The following ARMC8 variants were observed in gnomAD, a reference collection of about 807,000 sequenced individuals.
ARMC8 encodes the protein armadillo repeat containing 8, also known as armadillo repeat-containing protein 8.
A neutral mutation model predicts 99.3 loss-of-function variants in ARMC8; 20 were observed. That is an observed-to-expected ratio of 0.20 (90% confidence interval 0.14 to 0.29). ARMC8 has a LOEUF of 0.29. ARMC8 is among the 10% of genes least tolerant of loss of function. The pLI is 1.00. For missense variants in ARMC8, 569 were observed against 809.5 expected (o/e 0.70, Z 3.60); for synonymous variants, 263 against 278.3 (o/e 0.95, Z 0.55).
chr3:138,259,914 G>GT (rs1425640988), intron 12 of ARMC8, among the ~76,000 whole-genome samples: 1 of 152,144 alleles, frequency 6.6e-6, no homozygotes, highest in Non-Finnish European at 1.5e-5. Flanking sequence ...CCTTCCCTTT[G>GT]TAGATACTTG....
intron 12 of ARMC8, among the ~76,000 whole-genome samples, chr3:138,248,525 C>T (rs941965071): frequency 1.3e-5 from 2 of 152,142 alleles, no homozygotes; most frequent in Non-Finnish European, 2.9e-5. Context: ...AGTTAAGATA[C>T]GAAGCAAAAT....
intron 16 of ARMC8, 89 bp from the exon 17 acceptor site, chr3:138,272,871 CAAAAAAA>C: frequency 8.6e-7 from 1 of 1,169,102 alleles, no homozygotes; most frequent in African/African-American, 1.6e-5. Context: ...GACTCTGTCT[CAAAAAAA>C]TAAAAAAAAA....
chr3:138,236,820 C>A (rs1342965671), intron 7 of ARMC8, among the ~76,000 whole-genome samples: 4 of 151,864 alleles, frequency 2.6e-5, no homozygotes, highest in African/African-American at 7.3e-5. Flanking sequence ...TTGGTATTAT[C>A]CCAAACCAGT....
At chr3:138,215,679 T>C (rs1385340222) in intron 2 of ARMC8, among the ~76,000 whole-genome samples, 1 of 152,148 alleles carries the variant, frequency 6.6e-6, no homozygotes, top group Non-Finnish European at 1.5e-5. Flanking sequence ...TTAGAGAGTG[T>C]AAGGTGATTT....
At chr3:138,287,313 T>C (rs572952066) in intron 19 of ARMC8, among the ~76,000 whole-genome samples, 40 of 152,260 alleles carry the variant, frequency 2.6e-4, no homozygotes, top group African/African-American at 9.1e-4. Context: ...TCAGGAACTT[T>C]TTCTCCTGCT....
intron 1 of ARMC8, among the ~76,000 whole-genome samples, chr3:138,202,868 G>A (rs2044157851): frequency 6.6e-6 from 1 of 152,038 alleles, no homozygotes; most frequent in Non-Finnish European, 1.5e-5. Flanking sequence ...TAAACTAATG[G>A]TTTTACCCTA....
chr3:138,261,496 C>T (rs997598090), intron 12 of ARMC8: 1 of 152,054 alleles, frequency 6.6e-6, no homozygotes, highest in Non-Finnish European at 1.5e-5. Flanking sequence ...AAGTATGGAG[C>T]TAGAGGTCAG....
chr3:138,273,263 A>C (rs2048952651), intron 17 of ARMC8, 147 bp downstream of exon 17: 1 of 868,054 alleles, frequency 1.2e-6, no homozygotes, highest in Admixed American at 2.9e-5. Context: ...GTTGATGTCT[A>C]AACCTGTCAC....
intron 1 of ARMC8, among the ~76,000 whole-genome samples, chr3:138,198,056 G>A (rs1446654581): frequency 6.6e-6 from 1 of 152,162 alleles, no homozygotes; most frequent in East Asian, 1.9e-4. Context: ...AGAGCCAGAT[G>A]TGGTGCCGTA....
intron 2 of ARMC8, among the ~76,000 whole-genome samples, chr3:138,220,422 T>TG (rs1436799737): frequency 6.6e-6 from 1 of 152,104 alleles, no homozygotes; most frequent in African/African-American, 2.4e-5. Context: ...AGGTCAGGCC[T>TG]GGAAAAAAAG....
intron 3 of ARMC8, among the ~76,000 whole-genome samples, chr3:138,222,842 T>C (rs1262540546): frequency 6.6e-6 from 1 of 152,138 alleles, no homozygotes; most frequent in Admixed American, 6.5e-5. Context: ...TTGGGGAGTA[T>C]TTGTTTGGCA....
chr3:138,278,469 A>G (rs1263866654), intron 18 of ARMC8, among the ~76,000 whole-genome samples: 1 of 151,774 alleles, frequency 6.6e-6, no homozygotes, highest in Non-Finnish European at 1.5e-5. Context: ...ACACCACTGC[A>G]CTCCAGCCTG....
chr3:138,284,653 C>G, intron 19 of ARMC8, 127 bp downstream of exon 19: 1 of 682,396 alleles, frequency 1.5e-6, no homozygotes, highest in Non-Finnish European at 2.5e-6. Context: ...TCCTCAGATT[C>G]AAAGAACTCT....
In ARMC8 at chr3:138,295,932, T is replaced by C. The variant is rs767557980; in HGVS notation, c.*40T>C. On this transcript the variant is annotated 3_prime_UTR_variant, in exon 22 of 22. Coordinates refer to ENST00000469044, the MANE Select transcript of ARMC8 (RefSeq NM_001363941.2). ...GGCACCTGCGAGCATCCCACCTCCTTGTTTAAGGAAGTACAGGAACCAGCC... is the reference window on the plus strand; with the variant it reads ...GGCACCTGCGAGCATCCCACCTCCTCGTTTAAGGAAGTACAGGAACCAGCC... 9.5e-5 allele frequency: 153 copies of C among 1,608,206 alleles called. No homozygotes were observed. The East Asian group carries it at 3.4e-3, about 36-fold the overall frequency.
intron 19 of ARMC8, among the ~76,000 whole-genome samples, chr3:138,287,370 T>G (rs1214132642): frequency 6.6e-6 from 1 of 152,148 alleles, no homozygotes; most frequent in Admixed American, 6.5e-5. Flanking sequence ...ACCTTCCTAT[T>G]CTTTAAGTCT....
intron 19 of ARMC8, among the ~76,000 whole-genome samples, chr3:138,285,450 GCC>G (rs2050318147): frequency 6.6e-6 from 1 of 152,040 alleles, no homozygotes; most frequent in African/African-American, 2.4e-5. Flanking sequence ...CACTACACTG[GCC>G]ACTTGAAGTT....
intron 15 of ARMC8, 27 bp downstream of exon 15, chr3:138,267,268 CTT>C (rs760808810): frequency 3.6e-6 from 5 of 1,383,106 alleles, no homozygotes; most frequent in Non-Finnish European, 5.0e-6. Context: ...TTTTCCTAGA[CTT>C]TGCCCAGTCC....
At chr3:138,295,344 A>T (rs992524641) in intron 21 of ARMC8, among the ~76,000 whole-genome samples, 3 of 152,226 alleles carry the variant, frequency 2.0e-5, no homozygotes, top group African/African-American at 7.2e-5. Context: ...GTTCTGAGGC[A>T]TGTGAAGCAT....
At chr3:138,227,401 A>G (rs1048136604) in intron 5 of ARMC8, among the ~76,000 whole-genome samples, 6 of 152,190 alleles carry the variant, frequency 3.9e-5, no homozygotes, top group African/African-American at 1.4e-4. Context: ...CTGCTTCACT[A>G]TCCTTTGCCA....
Sources: gnomAD v4.1 joint callset for allele counts (sites outside exome capture counted in the v4.1 genomes callset) on GRCh38, gnomAD v4.1.1 for gene constraint, MANE v1.5 for transcripts, NCBI Gene and HGNC (gene_info 2026-07-23, HGNC 2026-07-21) for gene names.